NCAM2: variants seen among roughly 807,000 people sequenced by gnomAD.
NCAM2 encodes N-CAM-2.
A neutral mutation model predicts 98.1 loss-of-function variants in NCAM2; 30 were observed. The observed-to-expected ratio is 0.31, with a 90% CI of 0.23 to 0.41. NCAM2 has a LOEUF of 0.41. NCAM2 is among the 10% of genes least tolerant of loss of function. The pLI is 1.00. For synonymous variants in NCAM2, 368 were observed against 342.4 expected (o/e 1.07, Z -0.83); for missense variants, 867 against 1,005.8 (o/e 0.86, Z 1.87).
At chr21:21,189,916 C>CA (rs1310575475) in intron 1 of NCAM2, among the ~76,000 whole-genome samples, 1 of 152,158 alleles carries the variant, frequency 6.6e-6, no homozygotes. Flanking sequence ...GCAATGCCGT[C>CA]AAGTGGTGTC....
intron 1 of NCAM2, among the ~76,000 whole-genome samples, chr21:21,054,502 A>G (rs1008560667): frequency 2.0e-5 from 3 of 152,044 alleles, no homozygotes; most frequent in Admixed American, 6.5e-5. Context: ...ATTTAAAGGC[A>G]TGGTTTATAA....
At chr21:21,350,224 AT>A (rs1236564004) in intron 8 of NCAM2, among the ~76,000 whole-genome samples, 1 of 152,140 alleles carries the variant, frequency 6.6e-6, no homozygotes, top group Non-Finnish European at 1.5e-5. Context: ...AAATTTAAAA[AT>A]TAAAAATTAA....
At chr21:21,022,746 C>A (rs1056695457) in intron 1 of NCAM2, among the ~76,000 whole-genome samples, 1 of 151,870 alleles carries the variant, frequency 6.6e-6, no homozygotes, top group Non-Finnish European at 1.5e-5. Context: ...TAATGTTTCA[C>A]TTTGATGAAA....
At chr21:21,446,504 A>G (rs543065157) in intron 12 of NCAM2, among the ~76,000 whole-genome samples, 3 of 151,872 alleles carry the variant, frequency 2.0e-5, no homozygotes, top group Non-Finnish European at 4.4e-5. Flanking sequence ...GTAGTCCCAT[A>G]TTCTGTCATC....
intron 1 of NCAM2, among the ~76,000 whole-genome samples, chr21:21,166,303 G>A (rs2067950764): frequency 6.6e-6 from 1 of 152,290 alleles, no homozygotes. Context: ...CGCCTCCCAG[G>A]TTCAAGCAAT....
chr21:21,426,205 C>G (rs1225121657), intron 11 of NCAM2, among the ~76,000 whole-genome samples: 4 of 151,988 alleles, frequency 2.6e-5, no homozygotes, highest in Non-Finnish European at 4.4e-5. Flanking sequence ...AGCATTCAAA[C>G]CACAGCATGA....
chr21:21,539,874 C>A lies in NCAM2; in HGVS notation c.*1917C>A, dbSNP rs1990160341. The A allele has an allele frequency of 6.6e-6, 1 of 152,134 alleles. No homozygotes were observed. Among genetic ancestry groups the A allele is most frequent in the South Asian group, 2.1e-4 (1 of 4,828 alleles). 9.4% of individuals were successfully genotyped at this position (152,134 alleles called of 1,614,324 possible). On this transcript the variant is annotated 3_prime_UTR_variant, in exon 18 of 18. Transcript: ENST00000400546. Reference sequence around the variant, plus strand: ...CTGTTCATATTTAGTTTATGTTTGTCTGATCATCCAGTTTGCTTTATTTTG... The same window carrying A: ...CTGTTCATATTTAGTTTATGTTTGTATGATCATCCAGTTTGCTTTATTTTG...
chr21:21,452,937 A>G (rs1452746932), intron 12 of NCAM2, among the ~76,000 whole-genome samples: 1 of 96,606 alleles, frequency 1.0e-5, no homozygotes, highest in African/African-American at 4.4e-5. Context: ...TAATATATAT[A>G]ATATAATTTA....
chr21:21,211,371 A>G (rs74642526), intron 1 of NCAM2, among the ~76,000 whole-genome samples: 2,452 of 152,288 alleles, frequency 0.016, 54 homozygotes, highest in South Asian at 0.1. Flanking sequence ...TACCATGACC[A>G]TAGATGACTT....
chr21:21,403,921 G>C (rs191512244), intron 9 of NCAM2, among the ~76,000 whole-genome samples: 2 of 152,180 alleles, frequency 1.3e-5, no homozygotes, highest in East Asian at 1.9e-4. Flanking sequence ...ATTAAAATAT[G>C]AGTTCAATTT....
intron 5 of NCAM2, among the ~76,000 whole-genome samples, chr21:21,298,859 A>G (rs1324968120): frequency 6.6e-6 from 1 of 151,518 alleles, no homozygotes; most frequent in Non-Finnish European, 1.5e-5. Flanking sequence ...GATTAAATAT[A>G]TGGCAGAATT....
In NCAM2 at chr21:21,279,417, C is replaced by T. The variant is rs568311221; in HGVS notation, c.56-1161C>T. ...TCTTGTTGCCAGGCTGGATTGCAGT[C>T]GTGCGATCTCGGCTCACTGCAACCT... On this transcript the variant is annotated intron_variant, in intron 1 of 17. Coordinates refer to ENST00000400546, the MANE Select transcript of NCAM2 (RefSeq NM_004540.5). Among the ~76,000 whole-genome samples the T allele has an allele frequency of 5.3e-5, 8 of 152,118 alleles. No homozygotes were observed. The East Asian group carries it at 1.4e-3, about 26-fold the overall frequency.
chr21:21,167,451 A>G (rs950149987), intron 1 of NCAM2, among the ~76,000 whole-genome samples: 1 of 152,114 alleles, frequency 6.6e-6, no homozygotes, highest in African/African-American at 2.4e-5. Context: ...AAAAAAGAGC[A>G]CAGTTACCTA....
intron 1 of NCAM2, among the ~76,000 whole-genome samples, chr21:21,132,961 A>G (rs2066966651): frequency 6.6e-6 from 1 of 152,162 alleles, no homozygotes; most frequent in Non-Finnish European, 1.5e-5. Context: ...TTTATCACTT[A>G]TACATAGATC....
At chr21:21,189,883 A>C (rs532792625) in intron 1 of NCAM2, among the ~76,000 whole-genome samples, 1 of 152,302 alleles carries the variant, frequency 6.6e-6, no homozygotes, top group African/African-American at 2.4e-5. Context: ...TAGAAATCCC[A>C]GTATGTGTCT....
At chr21:21,463,169 A>G (rs532266890) in intron 12 of NCAM2, among the ~76,000 whole-genome samples, 1 of 152,168 alleles carries the variant, frequency 6.6e-6, no homozygotes, top group South Asian at 2.1e-4. Context: ...GGTGTTCAGA[A>G]ACTCTTGTTT....
chr21:21,265,697 G>A (rs1169790341), intron 1 of NCAM2, among the ~76,000 whole-genome samples: 2 of 151,572 alleles, frequency 1.3e-5, no homozygotes, highest in South Asian at 2.1e-4. Context: ...CTTATAAGTG[G>A]GAGCTAAGCA....
chr21:21,431,621 C>T (rs1482846556), intron 11 of NCAM2, among the ~76,000 whole-genome samples: 1 of 152,058 alleles, frequency 6.6e-6, no homozygotes, highest in African/African-American at 2.4e-5. Context: ...TTTCTCAAAA[C>T]TTAGCACTTA....
At chr21:21,497,510 C>T (rs936565660) in intron 15 of NCAM2, among the ~76,000 whole-genome samples, 5 of 152,076 alleles carry the variant, frequency 3.3e-5, no homozygotes, top group Admixed American at 6.6e-5. Context: ...ATATGGTTAT[C>T]GGTGCTACCT....
Sources: allele counts gnomAD v4.1 joint callset (sites outside exome capture counted in the v4.1 genomes callset), GRCh38; gene constraint gnomAD v4.1.1; transcripts MANE v1.5; gene names NCBI Gene and HGNC (gene_info 2026-07-23, HGNC 2026-07-21).